The following CNOT6L variants were observed in gnomAD, a reference collection of about 807,000 sequenced individuals.
CNOT6L encodes the protein CCR4-NOT transcription complex subunit 6 like, also known as CCR4-NOT transcription complex subunit 6-like.
In CNOT6L, 7 loss-of-function variants were observed where a neutral mutation model predicts 64.0. The observed-to-expected ratio is 0.11, with a 90% CI of 0.06 to 0.21. The LOEUF (loss-of-function observed/expected upper bound fraction) is 0.21, where lower values mean the gene tolerates loss of function less well. Ranked by LOEUF, CNOT6L falls within the 10% of genes least tolerant of loss-of-function variation. CNOT6L has a pLI of 1.00. For missense variants in CNOT6L, 245 were observed against 669.0 expected, an observed-to-expected ratio of 0.37 and a Z score of 6.99; for synonymous variants, 193 against 243.4, an observed-to-expected ratio of 0.79 and a Z score of 1.93.
chr4:77,744,625 C>T (rs762797949), intron 7 of CNOT6L, 93 bp downstream of exon 7: 233 of 1,074,512 alleles, frequency 2.2e-4, no homozygotes, highest in Admixed American at 2.4e-4. Context: ...TGAGCTTTGG[C>T]TCTAAACACA....
intron 1 of CNOT6L, among the ~76,000 whole-genome samples, chr4:77,802,979 CAG>C (rs1055774510): frequency 2.0e-5 from 3 of 152,114 alleles, no homozygotes; most frequent in Non-Finnish European, 4.4e-5. Context: ...GAATGATAAA[CAG>C]TATTTTAAAA....
intron 1 of CNOT6L, among the ~76,000 whole-genome samples, chr4:77,816,465 C>T (rs1476052868): frequency 6.6e-6 from 1 of 152,072 alleles, no homozygotes; most frequent in East Asian, 1.9e-4. Context: ...TAAATACACA[C>T]TCCCACAACA....
At chr4:77,788,292 ACCT>A (rs1729682781) in intron 1 of CNOT6L, among the ~76,000 whole-genome samples, 1 of 152,206 alleles carries the variant, frequency 6.6e-6, no homozygotes, top group African/African-American at 2.4e-5. Flanking sequence ...AAAAATTCAA[ACCT>A]CCTGTACATT....
chr4:77,786,109 C>T (rs1430817016), intron 1 of CNOT6L, among the ~76,000 whole-genome samples: 3 of 151,790 alleles, frequency 2.0e-5, no homozygotes, highest in Non-Finnish European at 2.9e-5. Context: ...GGTGAAACCC[C>T]GTCTCTACTA....
intron 4 of CNOT6L, among the ~76,000 whole-genome samples, chr4:77,761,639 A>C (rs1366441077): frequency 6.6e-6 from 1 of 152,228 alleles, no homozygotes; most frequent in Non-Finnish European, 1.5e-5. Flanking sequence ...ATTTAACCTG[A>C]AAGGATATCT....
chr4:77,794,178 A>AAAAT (rs1730513987), intron 1 of CNOT6L, among the ~76,000 whole-genome samples: 1 of 144,086 alleles, frequency 6.9e-6, no homozygotes, highest in South Asian at 2.2e-4. Context: ...AAAAAAAAAG[A>AAAAT]TTTTAGAAAT....
At chr4:77,811,291 T>C (rs1407753675) in intron 1 of CNOT6L, among the ~76,000 whole-genome samples, 1 of 152,188 alleles carries the variant, frequency 6.6e-6, no homozygotes, top group Non-Finnish European at 1.5e-5. Flanking sequence ...GGCTCACACC[T>C]GTAATCCCAG....
rs869054667 is a variant in CNOT6L at position 77,755,223 on chromosome 4, GTTTTTTTTTTT to G, written c.490+1628_490+1638del. Among the ~76,000 whole-genome samples the G allele has an allele frequency of 8.0e-3, 564 of 70,484 alleles. 7 individuals carry two copies. The highest frequency in any genetic ancestry group is 0.033 in the African/African-American group (544 of 16,530). 46.2% of individuals were successfully genotyped at this position (70,484 alleles called of 152,430 possible). ...ACTGGCTACATCTATAGAGACAAGAGTTTTTTTTTTTTTTTTTTTTTTTTTTTTTTTTTTTG... is the reference window on the plus strand; with the variant it reads ...ACTGGCTACATCTATAGAGACAAGAGTTTTTTTTTTTTTTTTTTTTTTTTG... On this transcript the variant is annotated intron_variant, in intron 5 of 11. Transcript: ENST00000504123.
intron 5 of CNOT6L, among the ~76,000 whole-genome samples, chr4:77,749,104 C>T (rs929325031): frequency 2.0e-5 from 3 of 152,038 alleles, no homozygotes; most frequent in African/African-American, 2.4e-5. Context: ...AAATGTATTC[C>T]CTTAAAACAA....
chr4:77,790,901 C>T (rs1730070551), intron 1 of CNOT6L, among the ~76,000 whole-genome samples: 1 of 151,272 alleles, frequency 6.6e-6, no homozygotes, highest in Non-Finnish European at 1.5e-5. Context: ...ACCTCGTGAT[C>T]CACCCGCCTC....
intron 1 of CNOT6L, among the ~76,000 whole-genome samples, chr4:77,784,857 G>T (rs1429618041): frequency 2.0e-5 from 3 of 151,840 alleles, no homozygotes; most frequent in South Asian, 2.1e-4. Flanking sequence ...TTTTTAATGG[G>T]TATCAACTTC....
At chr4:77,727,432 T>C (rs1245328790) in intron 10 of CNOT6L, among the ~76,000 whole-genome samples, 4 of 151,736 alleles carry the variant, frequency 2.6e-5, no homozygotes, top group South Asian at 2.1e-4. Flanking sequence ...CTGGGCGTGG[T>C]GGCATGCACC....
At chr4:77,776,663 C>T (rs1349645853) in intron 1 of CNOT6L, among the ~76,000 whole-genome samples, 1 of 152,224 alleles carries the variant, frequency 6.6e-6, no homozygotes, top group Non-Finnish European at 1.5e-5. Context: ...TTCCTAACTC[C>T]TTCCCTTCAT....
intron 4 of CNOT6L, 28 bp downstream of exon 4, chr4:77,773,053 A>C (rs1727761740): frequency 6.8e-7 from 1 of 1,473,836 alleles, no homozygotes; most frequent in Non-Finnish European, 9.3e-7. Context: ...GGCTCAGAAT[A>C]CCTCAAAACT....
At chr4:77,753,861 TAAAGA>T (rs1438896672) in intron 5 of CNOT6L, among the ~76,000 whole-genome samples, 1 of 124,878 alleles carries the variant, frequency 8.0e-6, no homozygotes, top group Non-Finnish European at 1.7e-5. Context: ...CTCATCTTAA[TAAAGA>T]AAAGCATCTG....
chr4:77,795,647 T>C (rs1730746093), intron 1 of CNOT6L, among the ~76,000 whole-genome samples: 1 of 152,142 alleles, frequency 6.6e-6, no homozygotes, highest in Non-Finnish European at 1.5e-5. Context: ...CCTTCCACCA[T>C]GATTGTTAAG....
rs1215170210 is a variant in CNOT6L, at chr4:77,768,474, A to AATAAATAAAT, written c.400+4606_400+4607insATTTATTTAT. Among the ~76,000 whole-genome samples, 6 of 13,124 alleles carry AATAAATAAAT rather than the reference A, an allele frequency of 4.6e-4. No individual in the cohort carries two copies. In the East Asian group the frequency reaches 8.2e-3, roughly 18 times the overall value. The allele number at this position is 13,124 out of a possible 152,430, so 8.6% of individuals were successfully genotyped here. On this transcript the variant is annotated intron_variant, in intron 4 of 11. Transcript: ENST00000504123. ...AGTGAGACTCTGTCTAAAATAAATA[A>AATAAATAAAT]ATATATATATATATATATATATATA... is the stretch of plus-strand genomic sequence containing the variant.
chr4:77,802,431 A>C (rs1235458237), intron 1 of CNOT6L, among the ~76,000 whole-genome samples: 1 of 152,224 alleles, frequency 6.6e-6, no homozygotes, highest in Non-Finnish European at 1.5e-5. Context: ...CTACTAAAAA[A>C]TGTTTTCATT....
chr4:77,816,403 G>T (rs1733580339), intron 1 of CNOT6L, among the ~76,000 whole-genome samples: 1 of 151,908 alleles, frequency 6.6e-6, no homozygotes, highest in Non-Finnish European at 1.5e-5. Context: ...TAGTTTTAAG[G>T]TAAGAATTAT....
Sources: gnomAD v4.1 joint callset for allele counts (sites outside exome capture counted in the v4.1 genomes callset) on GRCh38, gnomAD v4.1.1 for gene constraint, MANE v1.5 for transcripts, NCBI Gene and HGNC (gene_info 2026-07-23, HGNC 2026-07-21) for gene names.